LHFPL3: variants seen among roughly 807,000 people sequenced by gnomAD.
The protein encoded by LHFPL3 is LHFPL tetraspan subfamily member 3 protein.
Under a neutral mutation model 19.3 loss-of-function variants are expected in LHFPL3, and 5 were observed. That is an observed-to-expected ratio of 0.26 (90% CI 0.14 to 0.54). The LOEUF (loss-of-function observed/expected upper bound fraction) is 0.54. Ranked by LOEUF, LHFPL3 falls within the 20% of genes least tolerant of loss-of-function variation. LHFPL3 has a pLI of 0.94. For missense variants in LHFPL3, 249 were observed against 307.4 expected (o/e 0.81, Z 1.42); for synonymous variants, 133 against 126.2 (o/e 1.05, Z -0.36).
chr7:104,705,653 C>G (rs554319758), intron 1 of LHFPL3, among the ~76,000 whole-genome samples: 64 of 152,212 alleles, frequency 4.2e-4, no homozygotes, highest in South Asian at 1.9e-3. Context: ...CCTTTAGCAC[C>G]TGTTCAGTCA....
chr7:104,859,409 C>T (rs1405856832), intron 2 of LHFPL3, among the ~76,000 whole-genome samples: 1 of 152,106 alleles, frequency 6.6e-6, no homozygotes, highest in African/African-American at 2.4e-5. Context: ...TGGCTCATGC[C>T]TGTAATCCCA....
intron 1 of LHFPL3, among the ~76,000 whole-genome samples, chr7:104,386,035 G>T (rs1024440785): frequency 6.6e-6 from 1 of 151,926 alleles, no homozygotes; most frequent in African/African-American, 2.4e-5. Flanking sequence ...AAGAAATATC[G>T]GTAAGAACAG....
chr7:104,688,816 C>G (rs140691602), intron 1 of LHFPL3, among the ~76,000 whole-genome samples: 110 of 152,240 alleles, frequency 7.2e-4, no homozygotes, highest in African/African-American at 2.5e-3. Flanking sequence ...AAAAGAACTG[C>G]TTGAGTTTTC....
At chr7:104,789,457 T>C (rs534865264) in intron 2 of LHFPL3, among the ~76,000 whole-genome samples, 1 of 152,180 alleles carries the variant, frequency 6.6e-6, no homozygotes, top group Non-Finnish European at 1.5e-5. Context: ...CTTTTCCATG[T>C]TCCAATCAGT....
intron 2 of LHFPL3, among the ~76,000 whole-genome samples, chr7:104,810,998 T>A (rs10085394): frequency 1 from 151,814 of 152,326 alleles, 75,654 homozygotes; most frequent in Middle Eastern, 1. Flanking sequence ...AGCTTCTCTC[T>A]TATCAGGTGG....
intron 1 of LHFPL3, among the ~76,000 whole-genome samples, chr7:104,634,809 T>C (rs1791702895): frequency 6.6e-6 from 1 of 152,162 alleles, no homozygotes; most frequent in Admixed American, 6.5e-5. Context: ...CAGCCTTGCC[T>C]GTACCCAGAG....
intron 1 of LHFPL3, among the ~76,000 whole-genome samples, chr7:104,398,012 C>G (rs1791226975): frequency 1.3e-5 from 2 of 151,856 alleles, no homozygotes; most frequent in African/African-American, 4.8e-5. Flanking sequence ...GGATGATAAT[C>G]CAACTCCTTT....
intron 1 of LHFPL3, among the ~76,000 whole-genome samples, chr7:104,506,931 A>G (rs1050655214): frequency 6.6e-6 from 1 of 152,216 alleles, no homozygotes; most frequent in Non-Finnish European, 1.5e-5. Context: ...GAAGTAATAT[A>G]AGTAGCTGAC....
At position 104,751,653 on chromosome 7, in the gene LHFPL3, G is replaced by C. The variant is rs552405583; in HGVS notation, c.682+14742G>C. On this transcript the variant is annotated intron_variant, in intron 2 of 2. Coordinates refer to ENST00000424859, the MANE Select transcript of LHFPL3 (RefSeq NM_199000.3). ...TCCCAATCATAAGGAATGAGTCTAT[G>C]TCCATGAGCAATGGAATCTAATAAT... Among the ~76,000 whole-genome samples, 410 of 151,504 alleles carry C rather than the reference G, an allele frequency of 2.7e-3. 6 individuals carry two copies. Among genetic ancestry groups the C allele is most frequent in the Admixed American group, 0.025 (378 of 15,230 alleles).
At chr7:104,417,881 C>CTTTT (rs1468627294) in intron 1 of LHFPL3, among the ~76,000 whole-genome samples, 8 of 115,432 alleles carry the variant, frequency 6.9e-5, no homozygotes, top group African/African-American at 3.6e-5. Context: ...TCTTCTTCTT[C>CTTTT]TTCTTTTTTT....
intron 1 of LHFPL3, among the ~76,000 whole-genome samples, chr7:104,570,824 C>T (rs903041438): frequency 6.6e-6 from 1 of 152,180 alleles, no homozygotes; most frequent in Non-Finnish European, 1.5e-5. Context: ...CTTTTCTGCT[C>T]TTCTCCCCAA....
intron 1 of LHFPL3, among the ~76,000 whole-genome samples, chr7:104,378,440 A>G (rs540456082): frequency 6.6e-6 from 1 of 152,254 alleles, no homozygotes; most frequent in Non-Finnish European, 1.5e-5. Context: ...ATATTTATTC[A>G]CCTGTTGATG....
chr7:104,353,416 C>A (rs887662587), intron 1 of LHFPL3, among the ~76,000 whole-genome samples: 2 of 152,172 alleles, frequency 1.3e-5, no homozygotes, highest in African/African-American at 4.8e-5. Context: ...CACTGAATCA[C>A]ATTAGTCTTT....
rs1792371182 is a variant in LHFPL3 at position 104,448,386 on chromosome 7, A to T, written c.445+119162A>T. Among the ~76,000 whole-genome samples, 9 of 152,220 alleles carry T rather than the reference A, an allele frequency of 5.9e-5. 1 individual carries two copies. Among genetic ancestry groups the T allele is most frequent in the Admixed American group, 5.2e-4 (8 of 15,284 alleles). On this transcript the variant is annotated intron_variant, in intron 1 of 2. Transcript: ENST00000424859. ...CCTTGGCAGGCACAGACAGTACATT[A>T]TATGAAGACCCTATAATTACCCAGT...
chr7:104,772,100 G>A (rs1424621158), intron 2 of LHFPL3, among the ~76,000 whole-genome samples: 3 of 152,070 alleles, frequency 2.0e-5, no homozygotes, highest in Admixed American at 6.6e-5. Flanking sequence ...TTATAGGAAT[G>A]AGCCACAACG....
intron 1 of LHFPL3, among the ~76,000 whole-genome samples, chr7:104,444,269 A>G (rs1166691053): frequency 1.3e-5 from 2 of 152,180 alleles, no homozygotes; most frequent in East Asian, 1.9e-4. Flanking sequence ...CCAGGTGCAC[A>G]TCTCTGTAGA....
At chr7:104,354,223 G>A (rs1308735953) in intron 1 of LHFPL3, among the ~76,000 whole-genome samples, 8 of 152,212 alleles carry the variant, frequency 5.3e-5, no homozygotes, top group South Asian at 2.1e-4. Context: ...CCTCTGGCTC[G>A]TTATTGCTGA....
At chr7:104,893,741 C>G (rs987934537) in intron 2 of LHFPL3, among the ~76,000 whole-genome samples, 6 of 152,056 alleles carry the variant, frequency 3.9e-5, no homozygotes, top group African/African-American at 1.4e-4. Context: ...CGCCTGAGGT[C>G]AGGAGTTCGA....
chr7:104,698,756 G>T (rs1039633951), intron 1 of LHFPL3, among the ~76,000 whole-genome samples: 1 of 152,174 alleles, frequency 6.6e-6, no homozygotes, highest in Non-Finnish European at 1.5e-5. Context: ...GAACTATCAG[G>T]CCATGAAAAG....
Sources: allele counts gnomAD v4.1 joint callset (sites outside exome capture counted in the v4.1 genomes callset), GRCh38; gene constraint gnomAD v4.1.1; transcripts MANE v1.5; gene names NCBI Gene and HGNC (gene_info 2026-07-23, HGNC 2026-07-21).